RABGEF1: variants seen among roughly 807,000 people sequenced by gnomAD.
RABGEF1 encodes RAB guanine nucleotide exchange factor 1, also known as rab5 GDP/GTP exchange factor.
Under a neutral mutation model 57.3 loss-of-function variants are expected in RABGEF1, and 26 were observed. The ratio of observed to expected loss-of-function variants is 0.45; its 90% CI spans 0.33 to 0.63. The LOEUF (loss-of-function observed/expected upper bound fraction) is 0.63, where lower values mean the gene tolerates loss of function less well. RABGEF1 is among the 20% of genes least tolerant of loss of function. The pLI, the probability that RABGEF1 is intolerant of heterozygous loss-of-function variation, is 0.02. For missense variants in RABGEF1, 464 were observed against 607.6 expected, an observed-to-expected ratio of 0.76 and a Z score of 2.48; for synonymous variants, 185 against 210.7, an observed-to-expected ratio of 0.88 and a Z score of 1.06.
At chr7:66,767,589 G>A (rs1806061137) in intron 1 of RABGEF1, among the ~76,000 whole-genome samples, 1 of 152,158 alleles carries the variant, frequency 6.6e-6, no homozygotes, top group Admixed American at 6.5e-5. Flanking sequence ...TAAACCACAA[G>A]GTGTTGCTAC....
chr7:66,772,319 A>C (rs545630045), intron 2 of RABGEF1, among the ~76,000 whole-genome samples: 1 of 152,288 alleles, frequency 6.6e-6, no homozygotes, highest in East Asian at 1.9e-4. Context: ...TTTAGTTCTC[A>C]AATGTAGACA....
At chr7:66,723,268 C>T (rs1796245101) in intron 2 of RABGEF1, among the ~76,000 whole-genome samples, 1 of 152,152 alleles carries the variant, frequency 6.6e-6, no homozygotes, top group South Asian at 2.1e-4. Context: ...CACACTGGGT[C>T]TCCTACCTTC....
chr7:66,659,325 G>T, the RABGEF1 span, among the ~76,000 whole-genome samples: 3 of 151,922 alleles, frequency 2.0e-5, no homozygotes, highest in Non-Finnish European at 2.9e-5. Context: ...GGTGGTGGGT[G>T]CCTGTAACCC....
At chr7:66,690,966 C>T (rs1791436117) in intron 1 of RABGEF1, among the ~76,000 whole-genome samples, 2 of 151,926 alleles carry the variant, frequency 1.3e-5, no homozygotes, top group Middle Eastern at 3.4e-3. Context: ...TGGGGAGCGC[C>T]TATAATCCCA....
At chr7:66,700,372 T>C (rs1793056445) in intron 1 of RABGEF1, among the ~76,000 whole-genome samples, 1 of 152,000 alleles carries the variant, frequency 6.6e-6, no homozygotes, top group Admixed American at 6.6e-5. Flanking sequence ...TGACATGCCA[T>C]GGATGAGGGA....
chr7:66,674,293 A>C, the RABGEF1 span, among the ~76,000 whole-genome samples: 1 of 151,546 alleles, frequency 6.6e-6, no homozygotes, highest in Admixed American at 6.6e-5. Context: ...AGGTTGAAGC[A>C]GTTCCCCTGC....
At chr7:66,742,797 T>G (rs1222292412) in intron 1 of RABGEF1, among the ~76,000 whole-genome samples, 3 of 152,094 alleles carry the variant, frequency 2.0e-5, no homozygotes, top group African/African-American at 7.2e-5. Flanking sequence ...TGTAAAGATG[T>G]TGTCTTGCTG....
intron 1 of RABGEF1, among the ~76,000 whole-genome samples, chr7:66,751,621 C>T (rs1801447460): frequency 6.6e-6 from 1 of 152,128 alleles, no homozygotes; most frequent in South Asian, 2.1e-4. Flanking sequence ...CCGCATTTTG[C>T]TCTGATTTGC....
At chr7:66,714,989 T>C (rs1332077189) in intron 2 of RABGEF1, among the ~76,000 whole-genome samples, 1 of 152,132 alleles carries the variant, frequency 6.6e-6, no homozygotes, top group Non-Finnish European at 1.5e-5. Flanking sequence ...TAGAAAACTT[T>C]CGTCGTCCTC....
chr7:66,724,366 A>ATT (rs36097777), intron 2 of RABGEF1, among the ~76,000 whole-genome samples: 1,623 of 145,446 alleles, frequency 0.011, 21 homozygotes, highest in African/African-American at 0.038. Context: ...TATTTATTTT[A>ATT]TTTTTTTTTT....
At chr7:66,774,930 T>C (rs893493013) in intron 2 of RABGEF1, among the ~76,000 whole-genome samples, 6 of 152,212 alleles carry the variant, frequency 3.9e-5, no homozygotes, top group Admixed American at 1.3e-4. Context: ...TAGCAGTTGT[T>C]TACTTACCTT....
chr7:66,753,967 A>T (rs1307672498), intron 1 of RABGEF1, among the ~76,000 whole-genome samples: 1 of 148,034 alleles, frequency 6.8e-6, no homozygotes, highest in Non-Finnish European at 1.5e-5. Flanking sequence ...TGCCTCCCAA[A>T]GTGCTGGGAT....
chr7:66,700,862 C>T (rs576801830), intron 1 of RABGEF1, among the ~76,000 whole-genome samples: 2 of 152,298 alleles, frequency 1.3e-5, no homozygotes, highest in South Asian at 2.1e-4. Context: ...CAGTGGGATG[C>T]GGGCTGCTGG....
intron 1 of RABGEF1, among the ~76,000 whole-genome samples, chr7:66,768,235 C>T (rs10241395): frequency 0.1 from 15,742 of 152,126 alleles, 888 homozygotes; most frequent in Non-Finnish European, 0.11. Context: ...AAGGAGCTGT[C>T]GTCTTTCTCT....
chr7:66,681,369 T>C (rs559744020), upstream of RABGEF1, among the ~76,000 whole-genome samples: 1 of 151,610 alleles, frequency 6.6e-6, no homozygotes, highest in South Asian at 2.1e-4. Context: ...TGGTTAATTA[T>C]TTCACTTCTG....
intron 7 of RABGEF1, among the ~76,000 whole-genome samples, chr7:66,804,645 G>A (rs1788020557): frequency 6.6e-6 from 1 of 151,004 alleles, no homozygotes; most frequent in Non-Finnish European, 1.5e-5. Flanking sequence ...TGAGGCAAGA[G>A]AATCGCTTGA....
At chr7:66,667,421 G>C in the RABGEF1 span, 1 of 152,294 alleles carries the variant, frequency 6.6e-6, no homozygotes, top group Non-Finnish European at 1.5e-5. Context: ...TGGGGCCAAG[G>C]GAAAGTCCAG....
At chr7:66,779,614 A>T (rs1365127695) in intron 3 of RABGEF1, among the ~76,000 whole-genome samples, 2 of 150,900 alleles carry the variant, frequency 1.3e-5, no homozygotes, top group Non-Finnish European at 3.0e-5. Context: ...TGAGGCTGCA[A>T]TGTGCTGTGA....
chr7:66,713,291 G>A (rs542410673), intron 2 of RABGEF1, among the ~76,000 whole-genome samples: 16 of 151,968 alleles, frequency 1.1e-4, no homozygotes, highest in South Asian at 4.2e-4. Flanking sequence ...ACAGGTGCCC[G>A]CCACCATGCC....
Sources: allele counts gnomAD v4.1 joint callset (sites outside exome capture counted in the v4.1 genomes callset), GRCh38; gene constraint gnomAD v4.1.1; transcripts MANE v1.5; gene names NCBI Gene and HGNC (gene_info 2026-07-23, HGNC 2026-07-21).